Variants in ZNF408 observed in about 807,000 individuals in gnomAD.
ZNF408 encodes the protein zinc finger protein 408.
In ZNF408, 24 loss-of-function variants were observed where a neutral mutation model predicts 27.6. The observed-to-expected ratio is 0.87, with a 90% CI of 0.63 to 1.22. The LOEUF (loss-of-function observed/expected upper bound fraction) is 1.22. ZNF408 is among the 50% of genes most tolerant of loss of function. The pLI is 0.00. For synonymous variants in ZNF408, 410 were observed against 396.1 expected, an observed-to-expected ratio of 1.04 and a Z score of -0.42; for missense variants, 897 against 949.0, an observed-to-expected ratio of 0.95 and a Z score of 0.72.
chr11:46,701,463 C>T lies in ZNF408; in HGVS notation c.117C>T (p.Gly39=). 1 of 1,614,048 alleles carries T rather than the reference C, an allele frequency of 6.2e-7. No homozygotes were observed. Among genetic ancestry groups the T allele is most frequent in the Non-Finnish European group, 8.5e-7 (1 of 1,180,016 alleles). The change falls in exon 2 of 5, where the codon GGC becomes GGT. Residue 39 remains glycine, a synonymous_variant. Transcript: ENST00000311764. ...CTTCCGGAGAAGGCTGTACGCAGGG[C>T]CTCAAAGACGTCCCACCCGAGCCGA... ...WNPSGEGCTQ[G]LKDVPPEPTR... is the part of the protein sequence containing the mutation.
rs1187181199 is a variant in ZNF408 at position 46,705,425 on chromosome 11, A to C, written c.1725A>C (p.Gly575=). ...GAGCTCACGAGCGCCTGCACTCCGG[A>C]GAGAGGCCCTTTCCCTGTCCCCAGT... The part of the protein sequence containing the change: ...TLRAHERLHS[G]ERPFPCPQCG... The change falls in exon 5 of 5, where the codon GGA becomes GGC. Residue 575 remains glycine, a synonymous_variant. Transcript: ENST00000311764. This position sits in a 1 kb window ranked among gnomAD's most constrained non-coding sequence, Gnocchi z 6.5. The C allele has an allele frequency of 6.2e-7, 1 of 1,607,616 alleles. No individual in the cohort carries two copies. The highest frequency in any genetic ancestry group is 2.2e-5 in the East Asian group (1 of 44,770).
At position 46,705,105 on chromosome 11, in the gene ZNF408, C is replaced by T; in HGVS notation, c.1405C>T (p.Pro469Ser). ...GGTGCCAGCTGCCCCTGCCCCTTGCCCATGCCCTGTGTGTGGGCGGCCCCT... is the reference window on the plus strand; with the variant it reads ...GGTGCCAGCTGCCCCTGCCCCTTGCTCATGCCCTGTGTGTGGGCGGCCCCT... ...HQVPAAPAPCPCPVCGRPLAN... is the reference protein window; with the variant it reads ...HQVPAAPAPCSCPVCGRPLAN... The change falls in exon 5 of 5, where the codon CCA (proline) becomes TCA (serine). Residue 469 changes from proline (P) to serine (S), a missense_variant. Pro to Ser is a moderately conservative substitution (Grantham distance 74). Transcript: ENST00000311764. The surrounding 1 kb of genome is among the most constrained non-coding windows in gnomAD (Gnocchi z 6.5). 2 of 1,612,164 alleles carry T rather than the reference C, an allele frequency of 1.2e-6. No individual in the cohort carries two copies. Among genetic ancestry groups the T allele is most frequent in the Non-Finnish European group, 1.7e-6 (2 of 1,179,942 alleles).
intron 3 of ZNF408, 58 bp from the exon 4 acceptor site, chr11:46,702,926 C>T (rs1592398565): frequency 8.7e-6 from 14 of 1,602,572 alleles, no homozygotes; most frequent in South Asian, 5.6e-5. Flanking sequence ...CTGGGGCTTT[C>T]GGGGAAGACC....
rs971021664 is a variant in ZNF408, at chr11:46,705,265, G to A, written c.1565G>A (p.Arg522His). 9.3e-6 allele frequency: 15 copies of A among 1,611,960 alleles called. No homozygotes were observed. Among genetic ancestry groups the A allele is most frequent in the East Asian group, 4.5e-5 (2 of 44,886 alleles). The change falls in exon 5 of 5, where the codon CGT (arginine) becomes CAT (histidine). Residue 522 changes from arginine (R) to histidine (H), a missense_variant. Transcript: ENST00000311764. The surrounding 1 kb of genome is among the most constrained non-coding windows in gnomAD (Gnocchi z 6.5). ...RGHLRLHTGE[R>H]PYRCPHCADA... ...CATTTGCGGCTCCACACCGGGGAGCGTCCTTACCGCTGCCCACACTGTGCC... is the reference window on the plus strand; with the variant it reads ...CATTTGCGGCTCCACACCGGGGAGCATCCTTACCGCTGCCCACACTGTGCC...
At position 46,704,634 on chromosome 11, in the gene ZNF408, C is replaced by A. The variant is rs753232073; in HGVS notation, c.934C>A (p.Pro312Thr). ...CTACCTGGCCAAGAAGTTACACAGC[C>A]CCAGTGATCAGTGCCCACCCAGAGC... ...HGYLAKKLHS[P>T]SDQCPPRAKT... Residue 312 changes from proline to threonine, a missense_variant, in exon 5 of 5, where the codon CCC becomes ACC. Coordinates refer to ENST00000311764, the MANE Select transcript of ZNF408 (RefSeq NM_024741.3). 2.4e-5 allele frequency: 38 copies of A among 1,613,838 alleles called. No homozygotes were observed. Among genetic ancestry groups the A allele is most frequent in the Non-Finnish European group, 3.2e-5 (38 of 1,180,028 alleles).
At position 46,705,866 on chromosome 11, in the gene ZNF408, G is replaced by C; in HGVS notation, c.*3G>C. The C allele has an allele frequency of 1.2e-6, 2 of 1,608,752 alleles. No individual in the cohort carries two copies. The highest frequency in any genetic ancestry group is 1.7e-6 in the Non-Finnish European group (2 of 1,177,512). On this transcript the variant is annotated 3_prime_UTR_variant, in exon 5 of 5. Coordinates refer to ENST00000311764, the MANE Select transcript of ZNF408 (RefSeq NM_024741.3). This position sits in a 1 kb window ranked among gnomAD's most constrained non-coding sequence, Gnocchi z 6.5. ...TGGAGGTGGAGATGGGCACCTGACA[G>C]CTTTGCCTTTTGCTGACACAGCTCC...
chr11:46,701,192 G>T, intron 1 of ZNF408, 93 bp downstream of exon 1: 1 of 1,603,710 alleles, frequency 6.2e-7, no homozygotes, highest in Non-Finnish European at 8.5e-7. Flanking sequence ...CTCTCCTCCG[G>T]ATCCCAGGAT....
At chr11:46,702,936 C>T (rs755485953) in intron 3 of ZNF408, 48 bp from the exon 4 acceptor site, 6 of 1,606,732 alleles carry the variant, frequency 3.7e-6, no homozygotes, top group East Asian at 4.5e-5. Flanking sequence ...CGGGGAAGAC[C>T]ACTTGAATAG....
At chr11:46,701,762 AAG>A (rs1175256988) in intron 2 of ZNF408, 86 bp downstream of exon 2, 10 of 1,413,182 alleles carry the variant, frequency 7.1e-6, no homozygotes, top group Admixed American at 2.8e-5. Flanking sequence ...AATTTGAAGA[AAG>A]AGAGTATTTC....
intron 4 of ZNF408, among the ~76,000 whole-genome samples, chr11:46,704,077 G>A (rs1280353038): frequency 2.6e-5 from 4 of 152,076 alleles, no homozygotes; most frequent in Admixed American, 2.0e-4. Flanking sequence ...CTCCAGGGGC[G>A]AACAAGGGGA....
In ZNF408 at chr11:46,704,924, C is replaced by T. The variant is rs1451876114; in HGVS notation, c.1224C>T (p.Pro408=). The change falls in exon 5 of 5, where the codon CCC becomes CCT. Residue 408 remains proline (P), a synonymous_variant. Coordinates refer to ENST00000311764, the MANE Select transcript of ZNF408 (RefSeq NM_024741.3). ...TGCTGGGCCACCGTGGGGTGCGGCCCTTCCCCTGTCCACAATGCGACAAGG... is the reference window on the plus strand; with the variant it reads ...TGCTGGGCCACCGTGGGGTGCGGCCTTTCCCCTGTCCACAATGCGACAAGG... ...AHMLGHRGVR[P]FPCPQCDKAY... is the part of the protein sequence containing the mutation. 1.2e-6 allele frequency: 2 copies of T among 1,613,520 alleles called. No individual in the cohort carries two copies. Among genetic ancestry groups the T allele is most frequent in the East Asian group, 2.2e-5 (1 of 44,872 alleles).
rs1331863820 is a variant in ZNF408, at chr11:46,701,600, GC to G, written c.256del (p.Leu86CysfsTer19). 1 of 1,610,968 alleles carries G rather than the reference GC, an allele frequency of 6.2e-7. No homozygotes were observed. Among genetic ancestry groups the G allele is most frequent in the Non-Finnish European group, 8.5e-7 (1 of 1,178,252 alleles). On this transcript the variant is annotated frameshift_variant, in exon 2 of 5. Coordinates refer to ENST00000311764, the MANE Select transcript of ZNF408 (RefSeq NM_024741.3). LOFTEE classifies it high-confidence loss of function. ...VWCVGDPLQP[G>X]LLWGPLEEES... ...TGTGTCGGGGACCCCCTGCAGCCCGGCCTGCTGTGGGGGCCGCTGGAAGAGG... is the reference window on the plus strand; with the variant it reads ...TGTGTCGGGGACCCCCTGCAGCCCGGCTGCTGTGGGGGCCGCTGGAAGAGG...
rs1309897299 is a variant in ZNF408 at position 46,701,530 on chromosome 11, G to A, written c.184G>A (p.Ala62Thr). The change falls in exon 2 of 5, where the codon GCC becomes ACC. Residue 62 changes from alanine to threonine, a missense_variant. Ala to Thr is a moderately conservative substitution (Grantham distance 58). Coordinates refer to ENST00000311764, the MANE Select transcript of ZNF408 (RefSeq NM_024741.3). ...TTTAAAGAGCCTTCCCCGGGGCTTG[G>A]CCCTTGGCCCCTCACTCGCCAAGGA... Reference protein sequence around the residue: ...LALKSLPRGLALGPSLAKEQR... With the variant: ...LALKSLPRGLTLGPSLAKEQR... The A allele has an allele frequency of 6.2e-7, 1 of 1,613,844 alleles. No individual in the cohort carries two copies. Among genetic ancestry groups the A allele is most frequent in the Non-Finnish European group, 8.5e-7 (1 of 1,180,018 alleles).
rs2064721392 is a variant in ZNF408 at position 46,703,018 on chromosome 11, A to G, written c.427A>G (p.Asn143Asp). The G allele has an allele frequency of 1.2e-6, 2 of 1,613,900 alleles. No homozygotes were observed. The highest frequency in any genetic ancestry group is 1.7e-6 in the Non-Finnish European group (2 of 1,179,892). The change falls in exon 4 of 5, where the codon AAT becomes GAT. Residue 143 changes from asparagine (N) to aspartate (D), a missense_variant. Physicochemically the swap from Asn to Asp is conservative, Grantham distance 23. Transcript: ENST00000311764. ...VQRGRLESEG[N>D]VAPVRISERL... ...ACGGGGCAGGCTGGAGAGTGAGGGA[A>G]ATGTGGCCCCAGTGCGGATCAGCGA...
At chr11:46,702,937 A>G (rs781587751) in intron 3 of ZNF408, 47 bp from the exon 4 acceptor site, 3 of 1,607,460 alleles carry the variant, frequency 1.9e-6, no homozygotes, top group Admixed American at 3.3e-5. Context: ...GGGGAAGACC[A>G]CTTGAATAGT....
Position 46,705,708 on chromosome 11 carries a change from G to C in ZNF408, c.2008G>C (p.Ala670Pro), listed in dbSNP as rs370145518. The C allele has an allele frequency of 2.5e-6, 4 of 1,613,364 alleles. No individual in the cohort carries two copies. The highest frequency in any genetic ancestry group is 3.4e-6 in the Non-Finnish European group (4 of 1,179,732). The part of the protein sequence containing the change: ...DTHREEEVSP[A>P]RDVVEVTISE... ...ACACAGAGAGGAGGAAGTCTCCCCCGCCAGGGATGTTGTTGAGGTCACCAT... is the reference window on the plus strand; with the variant it reads ...ACACAGAGAGGAGGAAGTCTCCCCCCCCAGGGATGTTGTTGAGGTCACCAT... The change falls in exon 5 of 5, where the codon GCC (alanine) becomes CCC (proline). Residue 670 changes from alanine to proline, a missense_variant. Physicochemically the swap from Ala to Pro is conservative, Grantham distance 27. Transcript: ENST00000311764. The surrounding 1 kb of genome is among the most constrained non-coding windows in gnomAD (Gnocchi z 6.5).
rs1204898924 is a variant in ZNF408 at position 46,703,101 on chromosome 11, G to A, written c.510G>A (p.Trp170Ter). The change falls in exon 4 of 5, where the codon TGG becomes TGA. Residue 170 changes from tryptophan to a stop codon, truncating the protein, a stop_gained. Coordinates refer to ENST00000311764, the MANE Select transcript of ZNF408 (RefSeq NM_024741.3). LOFTEE classifies it high-confidence loss of function. ...TGCCAGGCTCTGAACTGCTGCTGTG[G>A]CCCCAGCCTTCCTCTGAGGGCCCAA... ...LVLPGSELLL[W>*]PQPSSEGPSL... The A allele has an allele frequency of 1.9e-6, 3 of 1,612,750 alleles. No homozygotes were observed. Among genetic ancestry groups the A allele is most frequent in the Admixed American group, 1.7e-5 (1 of 59,570 alleles).
chr11:46,705,375 G>T lies in ZNF408; in HGVS notation c.1675G>T (p.Ala559Ser). Residue 559 changes from alanine (A) to serine (S), a missense_variant, in exon 5 of 5, where the codon GCC (alanine) becomes TCC (serine). By Grantham distance (99) the Ala-to-Ser change is moderately conservative (BLOSUM62 1). Coordinates refer to ENST00000311764, the MANE Select transcript of ZNF408 (RefSeq NM_024741.3). This position sits in a 1 kb window ranked among gnomAD's most constrained non-coding sequence, Gnocchi z 6.5. The stretch of plus-strand genomic sequence containing the variant: ...CCACTTGTGCCCGGTGTGTGGCAAG[G>T]CCCTCCGAGACCCACACACGCTCCG... Reference protein sequence around the residue: ...EAHLCPVCGKALRDPHTLRAH... With the variant: ...EAHLCPVCGKSLRDPHTLRAH... The T allele has an allele frequency of 6.2e-7, 1 of 1,607,702 alleles. No individual in the cohort carries two copies. The highest frequency in any genetic ancestry group is 1.3e-5 in the African/African-American group (1 of 74,498).
At position 46,705,825 on chromosome 11, in the gene ZNF408, G is replaced by T. The variant is rs201274733; in HGVS notation, c.2125G>T (p.Ala709Ser). ...AATCCATAAGGACATGGGCCTCGGC[G>T]CCTGGGCAGAGGTGGTGGAGGTGGA... ...VLIHKDMGLG[A>S]WAEVVEVEMG... The change falls in exon 5 of 5, where the codon GCC becomes TCC. Residue 709 changes from alanine to serine, a missense_variant. Coordinates refer to ENST00000311764, the MANE Select transcript of ZNF408 (RefSeq NM_024741.3). This position sits in a 1 kb window ranked among gnomAD's most constrained non-coding sequence, Gnocchi z 6.5. 1.2e-5 allele frequency: 19 copies of T among 1,612,668 alleles called. No homozygotes were observed. The highest frequency in any genetic ancestry group is 8.5e-7 in the Non-Finnish European group (1 of 1,179,676).
Sources: allele counts gnomAD v4.1 joint callset (sites outside exome capture counted in the v4.1 genomes callset), GRCh38; gene constraint gnomAD v4.1.1; non-coding constraint Gnocchi (gnomAD v3.1); transcripts MANE v1.5; gene names NCBI Gene and HGNC (gene_info 2026-07-23, HGNC 2026-07-21).